The following NEGR1 variants were observed in gnomAD, a reference collection of about 807,000 sequenced individuals.
NEGR1 encodes the protein IgLON family member 4.
NEGR1 carries 10 observed loss-of-function variants against 40.9 expected under a neutral mutation model. The ratio of observed to expected loss-of-function variants is 0.24; its 90% CI spans 0.15 to 0.42. The LOEUF is 0.42. Ranked by LOEUF, NEGR1 falls within the 10% of genes least tolerant of loss-of-function variation. The pLI, the probability that NEGR1 is intolerant of heterozygous loss-of-function variation, is 1.00. For missense variants in NEGR1, 352 were observed against 438.9 expected (o/e 0.80, Z 1.77); for synonymous variants, 185 against 166.8 (o/e 1.11, Z -0.84).
intron 1 of NEGR1, among the ~76,000 whole-genome samples, chr1:72,130,149 AC>A (rs1650187664): frequency 6.6e-6 from 1 of 152,130 alleles, no homozygotes; most frequent in Non-Finnish European, 1.5e-5. Flanking sequence ...CCAATTACTT[AC>A]GCTTTTTTCT....
chr1:71,837,610 T>G (rs566239580), intron 2 of NEGR1, among the ~76,000 whole-genome samples: 1 of 152,200 alleles, frequency 6.6e-6, no homozygotes, highest in Admixed American at 6.5e-5. Context: ...GGACCCTGAT[T>G]GAACATAGCA....
intron 2 of NEGR1, among the ~76,000 whole-genome samples, chr1:71,787,838 A>G (rs1656967385): frequency 1.3e-5 from 2 of 152,206 alleles, no homozygotes; most frequent in Admixed American, 6.5e-5. Flanking sequence ...CATCTTGGCA[A>G]GGCCTTCAGA....
intron 6 of NEGR1, among the ~76,000 whole-genome samples, chr1:71,434,417 T>C (rs1481720803): frequency 6.6e-6 from 1 of 152,026 alleles, no homozygotes; most frequent in Non-Finnish European, 1.5e-5. Context: ...AACAATTTTG[T>C]AGCCACTTCC....
chr1:71,875,791 A>G (rs1660410522), intron 2 of NEGR1, among the ~76,000 whole-genome samples: 1 of 152,150 alleles, frequency 6.6e-6, no homozygotes, highest in East Asian at 1.9e-4. Context: ...CAAATATCCA[A>G]GCTAACTAGG....
At chr1:71,602,067 A>C (rs536495996) in intron 5 of NEGR1, among the ~76,000 whole-genome samples, 16 of 152,086 alleles carry the variant, frequency 1.1e-4, no homozygotes, top group African/African-American at 3.6e-4. Context: ...TCTGGAATCC[A>C]GTCCAAATGC....
intron 1 of NEGR1, among the ~76,000 whole-genome samples, chr1:72,019,035 G>T (rs1019935147): frequency 4.6e-5 from 7 of 152,132 alleles, no homozygotes; most frequent in Non-Finnish European, 8.8e-5. Context: ...CAAGACATAT[G>T]ATTCGATATG....
intron 1 of NEGR1, among the ~76,000 whole-genome samples, chr1:72,257,316 T>C (rs1231048409): frequency 8.5e-5 from 9 of 105,950 alleles, no homozygotes; most frequent in East Asian, 2.2e-4. Context: ...AGCGAGACTC[T>C]GTCTCAAAAA....
intron 6 of NEGR1, among the ~76,000 whole-genome samples, chr1:71,473,002 T>C (rs1056572550): frequency 6.6e-6 from 1 of 151,876 alleles, no homozygotes. Context: ...AGTGATAAAA[T>C]AATTTTAAAA....
intron 1 of NEGR1, among the ~76,000 whole-genome samples, chr1:72,248,521 G>A (rs1357885462): frequency 6.6e-6 from 1 of 151,064 alleles, no homozygotes; most frequent in Non-Finnish European, 1.5e-5. Context: ...GCCTCTCAAA[G>A]TGCTGGGATT....
At chr1:71,771,208 C>T (rs964561525) in intron 3 of NEGR1, among the ~76,000 whole-genome samples, 4 of 152,040 alleles carry the variant, frequency 2.6e-5, no homozygotes, top group Non-Finnish European at 5.9e-5. Flanking sequence ...GAACAGAAAA[C>T]CAAACACCAC....
chr1:72,019,500 A>G (rs746492040), intron 1 of NEGR1, among the ~76,000 whole-genome samples: 26 of 152,214 alleles, frequency 1.7e-4, no homozygotes, highest in Admixed American at 4.6e-4. Flanking sequence ...TTTAAGAGTA[A>G]TAAAAGCTAT....
chr1:71,670,263 T>C (rs910345004), intron 4 of NEGR1, among the ~76,000 whole-genome samples: 51 of 152,194 alleles, frequency 3.4e-4, no homozygotes, highest in Middle Eastern at 6.4e-3. Context: ...ATGTTATCTT[T>C]CCATGTTCTT....
At chr1:72,002,325 T>A (rs1012768258) in intron 1 of NEGR1, among the ~76,000 whole-genome samples, 5 of 152,084 alleles carry the variant, frequency 3.3e-5, no homozygotes, top group African/African-American at 7.2e-5. Context: ...ATAAAAAAAA[T>A]TCACAATAAA....
At chr1:71,812,180 C>T (rs907929057) in intron 2 of NEGR1, among the ~76,000 whole-genome samples, 17 of 152,000 alleles carry the variant, frequency 1.1e-4, no homozygotes, top group East Asian at 3.9e-4. Flanking sequence ...AGTTTGCTGA[C>T]GGCAATGGCT....
At chr1:71,919,333 G>A (rs142031865) in intron 2 of NEGR1, among the ~76,000 whole-genome samples, 3 of 152,256 alleles carry the variant, frequency 2.0e-5, no homozygotes, top group Non-Finnish European at 2.9e-5. Context: ...AATATTTGAA[G>A]AGGACAGCCT....
At position 71,397,557 on chromosome 1, in the gene NEGR1, C is replaced by T. The variant is rs1646220340; in HGVS notation, c.*9889G>A. 1 of 152,128 alleles carries T rather than the reference C, an allele frequency of 6.6e-6. No individual in the cohort carries two copies. The highest frequency in any genetic ancestry group is 2.1e-4 in the South Asian group (1 of 4,818). The allele number at this position is 152,128 out of a possible 1,614,324, so 9.4% of individuals were successfully genotyped here. ...GGCCAGGTTGGTCTCAAATTCGTGA[C>T]CTCAGGTGATCTGCCTGTCTCAGAC... On this transcript the variant is annotated 3_prime_UTR_variant, in exon 7 of 7. Transcript: ENST00000357731.
chr1:72,175,797 T>C (rs901513745), intron 1 of NEGR1, among the ~76,000 whole-genome samples: 1 of 152,110 alleles, frequency 6.6e-6, no homozygotes, highest in African/African-American at 2.4e-5. Flanking sequence ...GAATCACAGC[T>C]GCTTTTCCAC....
chr1:71,830,298 T>C (rs958174929), intron 2 of NEGR1, among the ~76,000 whole-genome samples: 14 of 151,972 alleles, frequency 9.2e-5, no homozygotes, highest in Non-Finnish European at 1.8e-4. Context: ...CTGGACTAAG[T>C]TGAAAAAGTG....
At chr1:71,504,601 C>A (rs1401338471) in intron 6 of NEGR1, among the ~76,000 whole-genome samples, 1 of 152,130 alleles carries the variant, frequency 6.6e-6, no homozygotes, top group Non-Finnish European at 1.5e-5. Context: ...GAGTAGGTCC[C>A]ACCAGGACTT....
Sources: gnomAD v4.1 joint callset for allele counts (sites outside exome capture counted in the v4.1 genomes callset) on GRCh38, gnomAD v4.1.1 for gene constraint, MANE v1.5 for transcripts, NCBI Gene and HGNC (gene_info 2026-07-23, HGNC 2026-07-21) for gene names.